The following DLC1 variants were observed in gnomAD, a reference collection of about 807,000 sequenced individuals.
DLC1 encodes DLC1 Rho GTPase activating protein.
A neutral mutation model predicts 140.3 loss-of-function variants in DLC1; 54 were observed. That is an observed-to-expected ratio of 0.38 (90% CI 0.31 to 0.48). The LOEUF (loss-of-function observed/expected upper bound fraction) is 0.48. Among genes scored for constraint, DLC1 ranks in the 20% least tolerant of loss-of-function variants. The probability of loss-of-function intolerance (pLI) is 0.96; values close to 1 mark genes in which losing one functional copy is unlikely to be tolerated. For missense variants in DLC1, 2,536 were observed against 1,907.0 expected, an observed-to-expected ratio of 1.33 and a Z score of -6.14; for synonymous variants, 986 against 728.1, an observed-to-expected ratio of 1.35 and a Z score of -5.70.
At chr8:13,091,550 T>A in intron 13 of DLC1, 118 bp from the exon 14 acceptor site, 6 of 797,262 alleles carry the variant, frequency 7.5e-6, no homozygotes, top group Non-Finnish European at 9.7e-6. Flanking sequence ...AATCTGTTTA[T>A]TGTTAAGTGG....
At chr8:13,111,492 G>C (rs992491625) in intron 6 of DLC1, among the ~76,000 whole-genome samples, 4 of 152,090 alleles carry the variant, frequency 2.6e-5, no homozygotes, top group East Asian at 1.9e-4. Context: ...CAGTTCTCTC[G>C]AGACAATGAA....
At chr8:13,591,238 A>G (rs763617920) in intron 1 of DLC1, among the ~76,000 whole-genome samples, 3 of 152,140 alleles carry the variant, frequency 2.0e-5, no homozygotes, top group Non-Finnish European at 2.9e-5. Context: ...GGAGGGTGAT[A>G]TGGTTTGGCT....
At chr8:13,227,264 G>A (rs1344976266) in intron 5 of DLC1, among the ~76,000 whole-genome samples, 2 of 152,174 alleles carry the variant, frequency 1.3e-5, no homozygotes, top group Non-Finnish European at 2.9e-5. Context: ...CACAAGAACT[G>A]TATCGCCATC....
chr8:13,319,569 C>T (rs1229980887), intron 4 of DLC1, among the ~76,000 whole-genome samples: 1 of 129,960 alleles, frequency 7.7e-6, no homozygotes, highest in East Asian at 4.2e-4. Flanking sequence ...CACCTTTCCC[C>T]TCGCCCTCTT....
Position 13,100,557 on chromosome 8 carries a change from C to T in DLC1, c.1780G>A (p.Val594Ile), listed in dbSNP as rs957907749. Residue 594 changes from valine (V) to isoleucine (I), a missense_variant, in exon 9 of 18, where the codon GTC (valine) becomes ATC (isoleucine). Val to Ile is a conservative substitution (Grantham distance 29). Transcript: ENST00000276297. ...DLSERQEVSS[V>I]RSLSSTGSLP... Reference sequence around the variant, plus strand: ...CTGCCAGTGCTGCTGAGGCTGCGGACGGAAGACACCTCCTGGCGCTCGCTG... The same window carrying T: ...CTGCCAGTGCTGCTGAGGCTGCGGATGGAAGACACCTCCTGGCGCTCGCTG... 5 of 1,613,156 alleles carry T rather than the reference C, an allele frequency of 3.1e-6. No homozygotes were observed. Among genetic ancestry groups the T allele is most frequent in the African/African-American group, 1.3e-5 (1 of 74,924 alleles).
intron 4 of DLC1, among the ~76,000 whole-genome samples, chr8:13,312,386 A>AAAAAAAAAAAAAAAAAAAAAAT (rs71207139): frequency 4.9e-5 from 4 of 81,678 alleles, no homozygotes; most frequent in Non-Finnish European, 1.0e-4. Context: ...AAAAAAAAAA[A>AAAAAAAAAAAAAAAAAAAAAAT]AATAATTTCT....
intron 2 of DLC1, among the ~76,000 whole-genome samples, chr8:13,452,751 A>T (rs1799127537): frequency 6.6e-6 from 1 of 151,790 alleles, no homozygotes; most frequent in Non-Finnish European, 1.5e-5. Context: ...TCACTTGATG[A>T]AATTTTTAGT....
chr8:13,395,012 A>ATCTG (rs1836959524), intron 3 of DLC1, among the ~76,000 whole-genome samples: 5 of 84,758 alleles, frequency 5.9e-5, no homozygotes, highest in African/African-American at 3.2e-4. Context: ...TATTCTATCT[A>ATCTG]TCTATCTATC....
At chr8:13,226,009 C>G (rs181914713) in intron 5 of DLC1, among the ~76,000 whole-genome samples, 111 of 152,158 alleles carry the variant, frequency 7.3e-4, no homozygotes, top group Middle Eastern at 3.4e-3. Flanking sequence ...AACTCCAGGG[C>G]TCAATTGATC....
At chr8:13,129,154 G>A (rs1490217381) in intron 5 of DLC1, among the ~76,000 whole-genome samples, 1 of 152,206 alleles carries the variant, frequency 6.6e-6, no homozygotes, top group Non-Finnish European at 1.5e-5. Context: ...AAACACCGCT[G>A]ATGGCGCTCA....
intron 5 of DLC1, among the ~76,000 whole-genome samples, chr8:13,168,240 C>G (rs1400549772): frequency 6.6e-6 from 1 of 151,990 alleles, no homozygotes; most frequent in African/African-American, 2.4e-5. Flanking sequence ...GAATGGCTTC[C>G]CGAGAAAGAA....
intron 5 of DLC1, among the ~76,000 whole-genome samples, chr8:13,263,322 C>A (rs1830541553): frequency 6.6e-6 from 1 of 152,042 alleles, no homozygotes; most frequent in Admixed American, 6.6e-5. Flanking sequence ...CAGATGGTCG[C>A]TCTTTCCATT....
rs1302384455 is a variant in DLC1 at position 13,479,815 on chromosome 8, AAGAAGAAGAAGAAGAAGAAGAAGAAGAAG to A, written c.1023+19205_1023+19233del. Among the ~76,000 whole-genome samples the A allele has an allele frequency of 2.2e-5, 2 of 90,868 alleles. 1 individual carries two copies. The highest frequency in any genetic ancestry group is 9.8e-5 in the African/African-American group (2 of 20,506). The allele number at this position is 90,868 out of a possible 152,430, so 59.6% of individuals were successfully genotyped here. On this transcript the variant is annotated intron_variant, in intron 2 of 17. Coordinates refer to ENST00000276297, the MANE Select transcript of DLC1 (RefSeq NM_182643.3). Reference sequence around the variant, plus strand: ...AAGAAAGAAAGAAAAGAAGAAGAAGAAGAAGAAGAAGAAGAAGAAGAAGAAGAAGAAGAAGAAGAAGAAGAGAAAAAGAA... The same window carrying A: ...AAGAAAGAAAGAAAAGAAGAAGAAGAAAGAAGAAGAAGAAGAGAAAAAGAA...
intron 2 of DLC1, among the ~76,000 whole-genome samples, chr8:13,482,206 A>C (rs565782022): frequency 1.3e-5 from 2 of 152,350 alleles, no homozygotes; most frequent in Non-Finnish European, 1.5e-5. Flanking sequence ...CATCTTTCAC[A>C]GGTGGACATT....
chr8:13,384,257 C>T lies in DLC1; in HGVS notation c.1314+9296G>A, dbSNP rs9693513. 5.0e-3 allele frequency among the ~76,000 whole-genome samples: 759 copies of T among 152,294 alleles called. 4 individuals are homozygous for T. The highest frequency in any genetic ancestry group is 0.017 in the African/African-American group (696 of 41,566). On this transcript the variant is annotated intron_variant, in intron 4 of 17. Transcript: ENST00000276297. The stretch of plus-strand genomic sequence containing the variant: ...CTGCCCCCCATCACAAAGGTGCTAG[C>T]AAGTGATGTATAGAATAAGCTAGAA...
At chr8:13,379,767 A>G (rs1586239501) in intron 4 of DLC1, among the ~76,000 whole-genome samples, 2 of 152,282 alleles carry the variant, frequency 1.3e-5, no homozygotes, top group East Asian at 3.9e-4. Context: ...TAAGCCCCTC[A>G]GGCCTTAGGT....
chr8:13,523,099 T>G (rs900852457), intron 1 of DLC1, among the ~76,000 whole-genome samples: 1 of 152,234 alleles, frequency 6.6e-6, no homozygotes, highest in Non-Finnish European at 1.5e-5. Flanking sequence ...GGAAAGATTT[T>G]GATCAGAGAT....
intron 4 of DLC1, among the ~76,000 whole-genome samples, chr8:13,373,853 A>G (rs1176568923): frequency 6.6e-6 from 1 of 152,182 alleles, no homozygotes; most frequent in Non-Finnish European, 1.5e-5. Flanking sequence ...AAAAAGAGAA[A>G]AACTTATAAG....
chr8:13,380,366 T>C (rs1309770309), intron 4 of DLC1, among the ~76,000 whole-genome samples: 1 of 152,240 alleles, frequency 6.6e-6, no homozygotes, highest in East Asian at 1.9e-4. Flanking sequence ...CAAACTATTT[T>C]GTAGTGTTTT....
Sources: gnomAD v4.1 joint callset for allele counts (sites outside exome capture counted in the v4.1 genomes callset) on GRCh38, gnomAD v4.1.1 for gene constraint, MANE v1.5 for transcripts, NCBI Gene and HGNC (gene_info 2026-07-23, HGNC 2026-07-21) for gene names.